The following LINGO2 variants were observed in gnomAD, a reference collection of about 807,000 sequenced individuals.
The protein encoded by LINGO2 is leucine-rich repeat and immunoglobulin-like domain-containing nogo receptor-interacting protein 2.
Under a neutral mutation model 30.6 loss-of-function variants are expected in LINGO2, and 14 were observed. The observed-to-expected ratio is 0.46, with a 90% CI of 0.30 to 0.72. The LOEUF (loss-of-function observed/expected upper bound fraction) is 0.72. Ranked by LOEUF, LINGO2 falls within the 30% of genes least tolerant of loss-of-function variation. The pLI, the probability that LINGO2 is intolerant of heterozygous loss-of-function variation, is 0.07. For synonymous variants in LINGO2, 317 were observed against 288.5 expected (o/e 1.10, Z -1.00); for missense variants, 729 against 751.7 (o/e 0.97, Z 0.35).
At chr9:28,348,325 G>T (rs1441535816) in intron 3 of LINGO2, among the ~76,000 whole-genome samples, 1 of 152,190 alleles carries the variant, frequency 6.6e-6, no homozygotes, top group Non-Finnish European at 1.5e-5. Context: ...GCGAGGCATT[G>T]CCTCACTTGG....
At chr9:28,466,974 A>G (rs535254704) in intron 2 of LINGO2, among the ~76,000 whole-genome samples, 2 of 150,122 alleles carry the variant, frequency 1.3e-5, no homozygotes, top group Non-Finnish European at 3.0e-5. Context: ...TGAGATACAA[A>G]GGCAAAGTGG....
chr9:28,632,871 TATATATATGTAGAG>T lies in LINGO2; in HGVS notation c.-365+37315_-365+37328del, dbSNP rs1563879120. Reference sequence around the variant, plus strand: ...TATATATTTTTTATATATATATATATATATATATGTAGAGAGAGAGAGAGAGAGAGAGAGAGAGA... The same window carrying T: ...TATATATTTTTTATATATATATATATAGAGAGAGAGAGAGAGAGAGAGAGA... On this transcript the variant is annotated intron_variant, in intron 1 of 5. Transcript: ENST00000379992. Among the ~76,000 whole-genome samples the T allele has an allele frequency of 2.4e-3, 255 of 107,628 alleles. 11 individuals are homozygous for T. The highest frequency in any genetic ancestry group is 0.013 in the Admixed American group (113 of 8,706). The allele number at this position is 107,628 out of a possible 152,430, so 70.6% of individuals were successfully genotyped here.
intron 1 of LINGO2, among the ~76,000 whole-genome samples, chr9:28,591,991 T>G (rs1450971156): frequency 6.6e-6 from 1 of 152,056 alleles, no homozygotes; most frequent in African/African-American, 2.4e-5. Context: ...TTTTGGATAT[T>G]ATGTGCCATA....
chr9:29,174,416 T>C, the LINGO2 span, among the ~76,000 whole-genome samples: 1 of 152,226 alleles, frequency 6.6e-6, no homozygotes, highest in African/African-American at 2.4e-5. Context: ...TTGGTCTGAC[T>C]GTTCTCAAAC....
intron 4 of LINGO2, among the ~76,000 whole-genome samples, chr9:28,098,147 A>G (rs1350938625): frequency 2.0e-5 from 3 of 152,050 alleles, no homozygotes; most frequent in Non-Finnish European, 4.4e-5. Context: ...TCTACTGAAA[A>G]TACAAAAATT....
chr9:29,184,094 G>A, the LINGO2 span, among the ~76,000 whole-genome samples: 1 of 152,002 alleles, frequency 6.6e-6, no homozygotes, highest in Admixed American at 6.6e-5. Flanking sequence ...GAAAGTAATT[G>A]GACAAGTATA....
chr9:28,231,601 AG>A (rs1268693713), intron 4 of LINGO2, among the ~76,000 whole-genome samples: 19 of 152,270 alleles, frequency 1.2e-4, no homozygotes, highest in African/African-American at 4.3e-4. Flanking sequence ...CTGAGTTTTA[AG>A]ACATCTGACA....
At chr9:28,167,195 C>A (rs1382765223) in intron 4 of LINGO2, among the ~76,000 whole-genome samples, 1 of 139,110 alleles carries the variant, frequency 7.2e-6, no homozygotes, top group Non-Finnish European at 1.5e-5. Context: ...ATTCCAGCAA[C>A]TTTAGAAAGC....
At chr9:28,088,043 C>G (rs1447808967) in intron 4 of LINGO2, among the ~76,000 whole-genome samples, 1 of 151,992 alleles carries the variant, frequency 6.6e-6, no homozygotes, top group African/African-American at 2.4e-5. Context: ...TTTAAAGGAA[C>G]AGATTTTGGA....
chr9:27,968,174 A>G (rs571407871), intron 5 of LINGO2, among the ~76,000 whole-genome samples: 204 of 152,280 alleles, frequency 1.3e-3, no homozygotes, highest in African/African-American at 4.7e-3. Context: ...AAAACAGCTT[A>G]TAGTCTAGTA....
At chr9:28,012,930 GAC>G (rs1021612881) in intron 4 of LINGO2, among the ~76,000 whole-genome samples, 18 of 152,170 alleles carry the variant, frequency 1.2e-4, no homozygotes, top group African/African-American at 4.1e-4. Context: ...CGCTTGTTAA[GAC>G]AGATTCCTGA....
At chr9:29,076,619 T>C in the LINGO2 span, among the ~76,000 whole-genome samples, 10 of 142,152 alleles carry the variant, frequency 7.0e-5, no homozygotes, top group South Asian at 2.2e-3. Context: ...ATAATAGATA[T>C]AATAAATAAA....
chr9:28,769,384 G>C, the LINGO2 span, among the ~76,000 whole-genome samples: 1 of 134,116 alleles, frequency 7.5e-6, no homozygotes, highest in Non-Finnish European at 1.6e-5. Context: ...GTTACTCATT[G>C]TTTCTTTAAG....
At chr9:28,003,730 T>C (rs1028254086) in intron 5 of LINGO2, among the ~76,000 whole-genome samples, 1 of 152,184 alleles carries the variant, frequency 6.6e-6, no homozygotes, top group Non-Finnish European at 1.5e-5. Flanking sequence ...CAGTTGATGA[T>C]GTTTTTGTAA....
At chr9:27,990,359 G>C (rs1821332693) in intron 5 of LINGO2, among the ~76,000 whole-genome samples, 2 of 151,876 alleles carry the variant, frequency 1.3e-5, no homozygotes, top group South Asian at 4.1e-4. Context: ...TAAACAGATA[G>C]AGGATAGACA....
intron 5 of LINGO2, among the ~76,000 whole-genome samples, chr9:28,009,693 A>AT (rs1822458961): frequency 6.6e-6 from 1 of 152,212 alleles, no homozygotes; most frequent in African/African-American, 2.4e-5. Flanking sequence ...GATGGTTACA[A>AT]TAAAAAAGGC....
the LINGO2 span, among the ~76,000 whole-genome samples, chr9:28,719,761 G>C: frequency 0.24 from 36,779 of 151,720 alleles, 4,859 homozygotes; most frequent in Admixed American, 0.38. Context: ...CTAAGATGCA[G>C]GTCCATAGCT....
intron 4 of LINGO2, among the ~76,000 whole-genome samples, chr9:28,266,946 T>TATC (rs1166959916): frequency 6.6e-6 from 1 of 151,988 alleles, no homozygotes; most frequent in East Asian, 1.9e-4. Context: ...GCTGTACATC[T>TATC]ATCTTGGGCA....
At chr9:28,174,591 C>T (rs74560880) in intron 4 of LINGO2, among the ~76,000 whole-genome samples, 2,589 of 152,180 alleles carry the variant, frequency 0.017, 77 homozygotes, top group African/African-American at 0.058. Flanking sequence ...TAGACATAAC[C>T]ACATATAGGG....
Sources: allele counts gnomAD v4.1 joint callset (sites outside exome capture counted in the v4.1 genomes callset), GRCh38; gene constraint gnomAD v4.1.1; transcripts MANE v1.5; gene names NCBI Gene and HGNC (gene_info 2026-07-23, HGNC 2026-07-21).